The following AKAP7 variants were observed in gnomAD, a reference collection of about 807,000 sequenced individuals.
The protein encoded by AKAP7 is A-kinase anchoring protein 7.
A neutral mutation model predicts 39.5 loss-of-function variants in AKAP7; 39 were observed. That is an observed-to-expected ratio of 0.99 (90% CI 0.76 to 1.29). The LOEUF (loss-of-function observed/expected upper bound fraction) is 1.29. AKAP7 is among the 50% of genes most tolerant of loss of function. The probability of loss-of-function intolerance (pLI) is 0.00; values close to 1 mark genes in which losing one functional copy is unlikely to be tolerated. For synonymous variants in AKAP7, 140 were observed against 139.1 expected (o/e 1.01, Z -0.05); for missense variants, 414 against 407.7 (o/e 1.02, Z -0.13).
intron 1 of AKAP7, 29 bp from the exon 2 acceptor site, chr6:131,145,256 C>T (rs190763960): frequency 4.5e-6 from 6 of 1,334,548 alleles, no homozygotes; most frequent in East Asian, 2.6e-5. Flanking sequence ...TTAAATAATC[C>T]TTTTTTTTCT....
chr6:131,175,483 C>G (rs1804489944), intron 5 of AKAP7, among the ~76,000 whole-genome samples: 2 of 152,158 alleles, frequency 1.3e-5, no homozygotes, highest in South Asian at 2.1e-4. Flanking sequence ...AGACACTACT[C>G]TTTGTACTCA....
chr6:131,269,271 C>G (rs146339317), intron 7 of AKAP7, among the ~76,000 whole-genome samples: 71 of 152,286 alleles, frequency 4.7e-4, no homozygotes, highest in African/African-American at 1.3e-3. Flanking sequence ...CCATGTTGGC[C>G]AGGCTGCTCT....
At chr6:131,127,833 T>C in the AKAP7 span, among the ~76,000 whole-genome samples, 1 of 152,208 alleles carries the variant, frequency 6.6e-6, no homozygotes, top group Non-Finnish European at 1.5e-5. Flanking sequence ...CACCATGGAA[T>C]ACTATGCAAC....
At chr6:131,197,411 T>A (rs533021872) in intron 5 of AKAP7, among the ~76,000 whole-genome samples, 1 of 152,312 alleles carries the variant, frequency 6.6e-6, no homozygotes, top group East Asian at 1.9e-4. Flanking sequence ...ATTGTAGTTG[T>A]GGCAGTTCTT....
upstream of AKAP7, among the ~76,000 whole-genome samples, chr6:131,132,262 G>A (rs1238730873): frequency 6.6e-6 from 1 of 151,364 alleles, no homozygotes; most frequent in East Asian, 1.9e-4. Context: ...GCAGTGAGCC[G>A]AGATTGCGCC....
intron 7 of AKAP7, among the ~76,000 whole-genome samples, chr6:131,251,025 A>C (rs996205495): frequency 2.0e-5 from 3 of 152,226 alleles, no homozygotes; most frequent in Non-Finnish European, 2.9e-5. Context: ...CAACAGTAAC[A>C]AATAGGTAAA....
chr6:131,177,209 CTTCG>C (rs1440918286), intron 5 of AKAP7, among the ~76,000 whole-genome samples: 5 of 152,098 alleles, frequency 3.3e-5, no homozygotes, highest in Non-Finnish European at 7.4e-5. Flanking sequence ...TATGGGCTGT[CTTCG>C]TTCATTTTGT....
intron 5 of AKAP7, chr6:131,184,724 A>C: frequency 1.1e-6 from 1 of 888,990 alleles, no homozygotes; most frequent in Non-Finnish European, 1.9e-6. Context: ...CCCTTTTTGG[A>C]TTTCTGTTCC....
intron 7 of AKAP7, among the ~76,000 whole-genome samples, chr6:131,263,888 T>A (rs540848058): frequency 6.6e-6 from 1 of 152,298 alleles, no homozygotes; most frequent in East Asian, 1.9e-4. Context: ...TTTGGGCTCT[T>A]GGCAATGAGA....
chr6:131,261,272 A>C (rs1345344827), intron 7 of AKAP7, among the ~76,000 whole-genome samples: 2 of 152,132 alleles, frequency 1.3e-5, no homozygotes, highest in African/African-American at 4.8e-5. Context: ...ATGCTTTAAG[A>C]TAGAAGTATA....
At chr6:131,204,645 G>C (rs1187083946) in intron 6 of AKAP7, among the ~76,000 whole-genome samples, 1 of 152,110 alleles carries the variant, frequency 6.6e-6, no homozygotes, top group African/African-American at 2.4e-5. Flanking sequence ...TGGTTTGCTG[G>C]GGTTCTGAGG....
At chr6:131,231,253 G>A (rs1810599040) in intron 7 of AKAP7, among the ~76,000 whole-genome samples, 1 of 152,104 alleles carries the variant, frequency 6.6e-6, no homozygotes, top group Non-Finnish European at 1.5e-5. Flanking sequence ...CAGACAGACA[G>A]GAGCATATCT....
chr6:131,127,479 T>C, the AKAP7 span, among the ~76,000 whole-genome samples: 1 of 151,788 alleles, frequency 6.6e-6, no homozygotes, highest in Non-Finnish European at 1.5e-5. Flanking sequence ...AAACAATCCA[T>C]AGAGGAAAGG....
At chr6:131,147,642 A>C (rs889630842) in intron 2 of AKAP7, among the ~76,000 whole-genome samples, 4 of 152,242 alleles carry the variant, frequency 2.6e-5, no homozygotes, top group African/African-American at 9.6e-5. Context: ...AAATTCAATC[A>C]CTTCTTTCTG....
intron 7 of AKAP7, among the ~76,000 whole-genome samples, chr6:131,237,085 T>A (rs1382628264): frequency 6.6e-6 from 1 of 152,200 alleles, no homozygotes; most frequent in Non-Finnish European, 1.5e-5. Context: ...GGCCCATCAA[T>A]ACCTAATTTA....
chr6:131,153,592 C>T lies in AKAP7; in HGVS notation c.152-6467C>T, dbSNP rs763124944. The stretch of plus-strand genomic sequence containing the variant: ...TTGAAATGGCAAAAATAAGTTGCTA[C>T]AGATGGGAAGACAGTTTAGTATTAA... On this transcript the variant is annotated intron_variant, in intron 2 of 7. Coordinates refer to ENST00000431975, the MANE Select transcript of AKAP7 (RefSeq NM_016377.4). Among the ~76,000 whole-genome samples, 3 of 151,778 alleles carry T rather than the reference C, an allele frequency of 2.0e-5. No individual in the cohort carries two copies. The East Asian group carries it at 5.8e-4, about 29-fold the overall frequency.
intron 5 of AKAP7, among the ~76,000 whole-genome samples, chr6:131,179,555 GTGTATACCCAGTAC>G (rs1804923346): frequency 6.6e-6 from 1 of 152,138 alleles, no homozygotes; most frequent in Non-Finnish European, 1.5e-5. Context: ...TTGGTCACTA[GTGTATACCCAGTAC>G]TGTCTATAAT....
At chr6:131,184,310 A>AGG (rs35832088) in intron 5 of AKAP7, 15 of 602,516 alleles carry the variant, frequency 2.5e-5, no homozygotes, top group South Asian at 5.6e-5. Context: ...GTCGGGGAGC[A>AGG]GGGGGGTGGC....
intron 7 of AKAP7, among the ~76,000 whole-genome samples, chr6:131,230,046 G>C (rs1172014017): frequency 6.6e-6 from 1 of 152,176 alleles, no homozygotes; most frequent in South Asian, 2.1e-4. Context: ...AGCAAGCACA[G>C]TGATGAACAT....
Sources: gnomAD v4.1 joint callset for allele counts (sites outside exome capture counted in the v4.1 genomes callset) on GRCh38, gnomAD v4.1.1 for gene constraint, MANE v1.5 for transcripts, NCBI Gene and HGNC (gene_info 2026-07-23, HGNC 2026-07-21) for gene names.